C12orf57: variants seen among roughly 807,000 people sequenced by gnomAD.
C12orf57 encodes protein C10.
A neutral mutation model predicts 11.3 loss-of-function variants in C12orf57; 14 were observed. The ratio of observed to expected loss-of-function variants is 1.24; its 90% CI spans 0.82 to 1.94. The LOEUF (loss-of-function observed/expected upper bound fraction) is 1.94. Among genes scored for constraint, C12orf57 ranks in the 30% most tolerant of loss-of-function variants. C12orf57 has a pLI of 0.00. For missense variants in C12orf57, 229 were observed against 172.4 expected (o/e 1.33, Z -1.84); for synonymous variants, 100 against 74.6 (o/e 1.34, Z -1.76).
rs782351830 is a variant in C12orf57, at chr12:6,944,713, G to T, written c.229+61G>T. The T allele has an allele frequency of 2.5e-6, 4 of 1,596,968 alleles. No individual in the cohort carries two copies. The African/African-American group carries it at 5.4e-5, about 21-fold the overall frequency. ...AAGGCGGGAGTTGGGTCGGGAGAGGGCGCCGGATCTGTGGGCCCATGAGCG... is the reference window on the plus strand; with the variant it reads ...AAGGCGGGAGTTGGGTCGGGAGAGGTCGCCGGATCTGTGGGCCCATGAGCG... On this transcript the variant is annotated intron_variant, in intron 2 of 2. Coordinates refer to ENST00000229281, the MANE Select transcript of C12orf57 (RefSeq NM_138425.4).
At chr12:6,943,805 C>A (rs111516356), upstream of C12orf57, 74 of 886,074 alleles carry the variant, frequency 8.4e-5, no homozygotes, top group Non-Finnish European at 1.0e-4. Context: ...TCTCTCCAAA[C>A]ACATACGCAG....
At chr12:6,944,450 C>G (rs782707994) in intron 1 of C12orf57, 26 bp from the exon 2 acceptor site, 1 of 1,606,796 alleles carries the variant, frequency 6.2e-7, no homozygotes, top group South Asian at 1.1e-5. Context: ...CCCGGGACGC[C>G]TCCCTGGGAT....
intron 2 of C12orf57, chr12:6,944,859 G>GTA: frequency 7.0e-7 from 1 of 1,422,284 alleles, no homozygotes; most frequent in South Asian, 1.6e-5. Context: ...TAGAGGTTCT[G>GTA]TATCCCTTAC....
intron 1 of C12orf57, 72 bp from the exon 2 acceptor site, chr12:6,944,404 T>G (rs1555145949): frequency 6.4e-6 from 10 of 1,569,102 alleles, no homozygotes; most frequent in Non-Finnish European, 8.6e-6. Flanking sequence ...TTCCTTGCGC[T>G]CTCCGCTGGG....
chr12:6,945,654 G>T, intron 2 of C12orf57, 117 bp from the exon 3 acceptor site: 1 of 1,109,800 alleles, frequency 9.0e-7, no homozygotes, highest in Non-Finnish European at 1.3e-6. Flanking sequence ...CGTCCTGTTT[G>T]GCAAACAGCT....
upstream of C12orf57, chr12:6,943,961 A>G (rs781820371): frequency 6.5e-7 from 1 of 1,534,476 alleles, no homozygotes; most frequent in Non-Finnish European, 8.7e-7. Context: ...TGCAGTTGTA[A>G]GCTTGGGGTA....
In C12orf57 at chr12:6,944,066, T is replaced by C. The variant is rs1945716856; in HGVS notation, c.-56T>C. On this transcript the variant is annotated 5_prime_UTR_variant, in exon 1 of 3. Coordinates refer to ENST00000229281, the MANE Select transcript of C12orf57 (RefSeq NM_138425.4). ...GTTGGGAACGGTTGTAGGACGTGGC[T>C]CTTTATTCGTGAGTTTTCCATTTAC... is the stretch of plus-strand genomic sequence containing the variant. 5 of 1,613,546 alleles carry C rather than the reference T, an allele frequency of 3.1e-6. No homozygotes were observed. In the South Asian group the frequency reaches 3.3e-5, roughly 11 times the overall value.
chr12:6,944,243 G>A, intron 1 of C12orf57, 70 bp downstream of exon 1: 1 of 1,612,464 alleles, frequency 6.2e-7, no homozygotes, highest in East Asian at 2.2e-5. Context: ...GCTGGTCTGG[G>A]GAGGATGCGG....
At chr12:6,943,821 T>G (rs1405224802), upstream of C12orf57, 9 of 853,238 alleles carry the variant, frequency 1.1e-5, no homozygotes, top group Middle Eastern at 3.9e-4. Flanking sequence ...CGCAGCAGTG[T>G]TACAGCTCTT....
At position 6,944,100 on chromosome 12, in the gene C12orf57, A is replaced by C. The variant is rs782005426; in HGVS notation, c.-22A>C. On this transcript the variant is annotated 5_prime_UTR_variant, in exon 1 of 3. Transcript: ENST00000229281. ...GTGAGTTTTCCATTTACCTCCGCTG[A>C]ACCTAGAGCTTCAGACGCCCTATGG... 1.9e-6 allele frequency: 3 copies of C among 1,614,198 alleles called. No individual in the cohort carries two copies. The highest frequency in any genetic ancestry group is 1.3e-5 in the African/African-American group (1 of 75,062).
chr12:6,945,988 T>C lies in C12orf57; in HGVS notation c.*66T>C, dbSNP rs1462754646. The C allele has an allele frequency of 3.3e-6, 5 of 1,538,428 alleles. No individual in the cohort carries two copies. Among genetic ancestry groups the C allele is most frequent in the African/African-American group, 1.4e-5 (1 of 73,264 alleles). On this transcript the variant is annotated 3_prime_UTR_variant, in exon 3 of 3. Transcript: ENST00000229281. ...CCTTGATGTTCCAGACAATAATAAA[T>C]GCGCCTGTGACTTAGCCTTGGTGTC... is the stretch of plus-strand genomic sequence containing the variant.
chr12:6,945,775 C>T lies in C12orf57; in HGVS notation c.234C>T (p.Val78=). The T allele has an allele frequency of 4.3e-6, 7 of 1,613,664 alleles. No homozygotes were observed. The highest frequency in any genetic ancestry group is 5.1e-6 in the Non-Finnish European group (6 of 1,179,870). The change falls in exon 3 of 3, where the codon GTC becomes GTT. Residue 78 remains valine, a synonymous_variant. Transcript: ENST00000229281. ...ACCTTCCACTCCCTCTTGCAGGTGT[C>T]CTTAAGTTTGCTCGCTTGGTCAAGT... The part of the protein sequence containing the change: ...AYGFSCDGEG[V]LKFARLVKSY...
rs781935609 is a variant in C12orf57 at position 6,944,499 on chromosome 12, G to A, written c.76G>A (p.Ala26Thr). Residue 26 changes from alanine (A) to threonine (T), a missense_variant, in exon 2 of 3, where the codon GCG (alanine) becomes ACG (threonine). Transcript: ENST00000229281. Reference sequence around the variant, plus strand: ...AGTGGTCCTCGCGGAGGTGATCCAGGCGTTCTCCGCCCCGGAGAATGCAGT... The same window carrying A: ...AGTGGTCCTCGCGGAGGTGATCCAGACGTTCTCCGCCCCGGAGAATGCAGT... ...AKVVLAEVIQ[A>T]FSAPENAVRM... 4.3e-6 allele frequency: 7 copies of A among 1,612,922 alleles called. No homozygotes were observed. Among genetic ancestry groups the A allele is most frequent in the Non-Finnish European group, 5.1e-6 (6 of 1,179,954 alleles).
rs1328721196 is a variant in C12orf57 at position 6,944,089 on chromosome 12, T to C, written c.-33T>C. ...GCTCTTTATTCGTGAGTTTTCCATT[T>C]ACCTCCGCTGAACCTAGAGCTTCAG... On this transcript the variant is annotated 5_prime_UTR_variant, in exon 1 of 3. Transcript: ENST00000229281. 2 of 1,614,076 alleles carry C rather than the reference T, an allele frequency of 1.2e-6. No homozygotes were observed. Among genetic ancestry groups the C allele is most frequent in the South Asian group, 1.1e-5 (1 of 91,086 alleles).
rs886041151 is a variant in C12orf57, at chr12:6,944,654, T to C, written c.229+2T>C. 6 of 1,610,468 alleles carry C rather than the reference T, an allele frequency of 3.7e-6. No individual in the cohort carries two copies. The highest frequency in any genetic ancestry group is 1.3e-5 in the African/African-American group (1 of 74,786). ...ATGGCTTCAGCTGCGACGGGGAAGG[T>C]GGGTCAGACGCGGGAAGGCGGGTCA... is the stretch of plus-strand genomic sequence containing the variant. On this transcript the variant is annotated splice_donor_variant, in intron 2 of 2. Transcript: ENST00000229281. LOFTEE classifies it high-confidence loss of function.
chr12:6,943,930 G>T (rs976266552), upstream of C12orf57: 3 of 1,330,572 alleles, frequency 2.3e-6, no homozygotes, highest in East Asian at 2.4e-5. Context: ...CAAAAATTAT[G>T]GGTAGTTTTG....
chr12:6,944,098 T>G lies in C12orf57; in HGVS notation c.-24T>G, dbSNP rs782231807. On this transcript the variant is annotated 5_prime_UTR_variant, in exon 1 of 3. Coordinates refer to ENST00000229281, the MANE Select transcript of C12orf57 (RefSeq NM_138425.4). The stretch of plus-strand genomic sequence containing the variant: ...TCGTGAGTTTTCCATTTACCTCCGC[T>G]GAACCTAGAGCTTCAGACGCCCTAT... 2 of 1,614,044 alleles carry G rather than the reference T, an allele frequency of 1.2e-6. No individual in the cohort carries two copies. The highest frequency in any genetic ancestry group is 2.7e-5 in the African/African-American group (2 of 74,944).
At chr12:6,945,610 A>G (rs186705202) in intron 2 of C12orf57, among the ~76,000 whole-genome samples, 161 bp from the exon 3 acceptor site, 1 of 152,142 alleles carries the variant, frequency 6.6e-6, no homozygotes, top group Admixed American at 6.5e-5. Context: ...ACCAAATGTC[A>G]TCATCCAAAC....
chr12:6,945,015 G>A (rs2138238904), intron 2 of C12orf57: 2 of 508,466 alleles, frequency 3.9e-6, no homozygotes, highest in South Asian at 1.2e-4. Flanking sequence ...CATAGCCTGA[G>A]GGTAATTTTA....
Sources: allele counts gnomAD v4.1 joint callset (sites outside exome capture counted in the v4.1 genomes callset), GRCh38; gene constraint gnomAD v4.1.1; transcripts MANE v1.5; gene names NCBI Gene and HGNC (gene_info 2026-07-23, HGNC 2026-07-21).